NPM1: variants seen among roughly 807,000 people sequenced by gnomAD.
The protein encoded by NPM1 is nucleophosmin.
A neutral mutation model predicts 44.1 loss-of-function variants in NPM1; 1 was observed. That is an observed-to-expected ratio of 0.02 (90% CI 0.01 to 0.11). The LOEUF is 0.11. NPM1 is among the 10% of genes least tolerant of loss of function. The probability of loss-of-function intolerance (pLI) is 1.00; values close to 1 mark genes in which losing one functional copy is unlikely to be tolerated. For synonymous variants in NPM1, 126 were observed against 111.8 expected (o/e 1.13, Z -0.80); for missense variants, 197 against 347.8 (o/e 0.57, Z 3.45).
At chr5:171,391,267 A>G (rs757100374) in intron 2 of NPM1, 38 bp from the exon 3 acceptor site, 1 of 1,601,026 alleles carries the variant, frequency 6.2e-7, no homozygotes, top group East Asian at 2.2e-5. Context: ...AATAGGTGGA[A>G]CTCAAAAGTT....
At chr5:171,405,437 C>T (rs1315950764) in intron 9 of NPM1, 34 bp downstream of exon 9, 1 of 973,218 alleles carries the variant, frequency 1.0e-6, no homozygotes, top group East Asian at 2.5e-5. Flanking sequence ...ACTTTGTCTC[C>T]CCCCTCAAAT....
At chr5:171,394,023 T>G (rs917680909) in intron 6 of NPM1, among the ~76,000 whole-genome samples, 1 of 150,598 alleles carries the variant, frequency 6.6e-6, no homozygotes, top group Non-Finnish European at 1.5e-5. Flanking sequence ...AGTATTTGAC[T>G]GTTGCTGTTT....
chr5:171,394,898 G>A (rs569948243), intron 6 of NPM1, among the ~76,000 whole-genome samples: 2 of 152,236 alleles, frequency 1.3e-5, no homozygotes, highest in South Asian at 4.1e-4. Context: ...ATATAATTAG[G>A]CCAGGCATGG....
intron 6 of NPM1, among the ~76,000 whole-genome samples, chr5:171,398,322 C>CTTTA (rs1191803278): frequency 1.3e-5 from 2 of 152,080 alleles, no homozygotes; most frequent in Non-Finnish European, 2.9e-5. Context: ...GAGTTTTGTC[C>CTTTA]TTTATATTTA....
chr5:171,398,274 C>T (rs1251032922), intron 6 of NPM1, among the ~76,000 whole-genome samples: 1 of 152,134 alleles, frequency 6.6e-6, no homozygotes, highest in African/African-American at 2.4e-5. Flanking sequence ...GAAATCATTG[C>T]TAAATTCAAA....
In NPM1 at chr5:171,400,491, A is replaced by G. The variant is rs529527875; in HGVS notation, c.582+281A>G. Among the ~76,000 whole-genome samples the G allele has an allele frequency of 5.6e-4, 83 of 147,420 alleles. 1 individual carries two copies. The highest frequency in any genetic ancestry group is 4.5e-3 in the Admixed American group (66 of 14,648). ...TTTTTTTTTTTGAGACGGAGTCTCA[A>G]TGTCACCCGGGCTGGAGTACAGTGG... On this transcript the variant is annotated intron_variant, in intron 7 of 10. Coordinates refer to ENST00000296930, the MANE Select transcript of NPM1 (RefSeq NM_002520.7).
rs1426022825 is a variant in NPM1, at chr5:171,403,677, A to G, written c.670-1625A>G. 4.1e-4 allele frequency among the ~76,000 whole-genome samples: 45 copies of G among 110,376 alleles called. No individual in the cohort carries two copies. In the East Asian group the frequency reaches 6.2e-3, roughly 15 times the overall value. 72.4% of individuals were successfully genotyped at this position (110,376 alleles called of 152,430 possible). On this transcript the variant is annotated intron_variant, in intron 8 of 10. Coordinates refer to ENST00000296930, the MANE Select transcript of NPM1 (RefSeq NM_002520.7). ...TCCCTCCCGGACGGGGCGGCTGGCCAGGCGGGGGGCTGACCCCCCCACCTC... is the reference window on the plus strand; with the variant it reads ...TCCCTCCCGGACGGGGCGGCTGGCCGGGCGGGGGGCTGACCCCCCCACCTC...
intron 1 of NPM1, among the ~76,000 whole-genome samples, chr5:171,388,373 C>T (rs1473716073): frequency 6.6e-6 from 1 of 152,174 alleles, no homozygotes; most frequent in East Asian, 1.9e-4. Flanking sequence ...CTTCTGATGC[C>T]AGGCCCCGGG....
rs758162516 is a variant in NPM1, at chr5:171,410,607, T to A, written c.*42T>A. The A allele has an allele frequency of 1.6e-6, 2 of 1,237,522 alleles. No homozygotes were observed. Among genetic ancestry groups the A allele is most frequent in the Non-Finnish European group, 1.1e-6 (1 of 874,550 alleles). 76.7% of individuals were successfully genotyped at this position (1,237,522 alleles called of 1,614,324 possible). On this transcript the variant is annotated 3_prime_UTR_variant, in exon 11 of 11. Coordinates refer to ENST00000296930, the MANE Select transcript of NPM1 (RefSeq NM_002520.7). ...ATTTGTTAAAAAATTTTCCGTCTTA[T>A]TTCATTTCTGTAACAGTTGATATCT...
At chr5:171,399,380 G>A (rs372244935) in intron 6 of NPM1, among the ~76,000 whole-genome samples, 84 of 152,270 alleles carry the variant, frequency 5.5e-4, no homozygotes, top group African/African-American at 2.0e-3. Context: ...CAAATAGCTA[G>A]GACTACAGGC....
At position 171,387,875 on chromosome 5, in the gene NPM1, G is replaced by A. The variant is rs952100867; in HGVS notation, c.-74G>A. On this transcript the variant is annotated 5_prime_UTR_variant, in exon 1 of 11. Coordinates refer to ENST00000296930, the MANE Select transcript of NPM1 (RefSeq NM_002520.7). Reference sequence around the variant, plus strand: ...TTTCCCTGGTGTGATTCCGTCCTGCGCGGTTGTTCTCTGGAGCAGCGTTCT... The same window carrying A: ...TTTCCCTGGTGTGATTCCGTCCTGCACGGTTGTTCTCTGGAGCAGCGTTCT... The A allele has an allele frequency of 1.5e-6, 2 of 1,371,910 alleles. No individual in the cohort carries two copies. Among genetic ancestry groups the A allele is most frequent in the East Asian group, 2.3e-5 (1 of 43,646 alleles). The allele number at this position is 1,371,910 out of a possible 1,614,324, so 85.0% of individuals were successfully genotyped here.
chr5:171,389,805 CAG>C (rs1266865712), intron 1 of NPM1, among the ~76,000 whole-genome samples: 2 of 152,158 alleles, frequency 1.3e-5, no homozygotes, highest in Admixed American at 6.5e-5. Flanking sequence ...TGCAGAATAA[CAG>C]TACCTATCAG....
At chr5:171,405,494 TTTG>T (rs1189042658) in intron 9 of NPM1, 91 bp downstream of exon 9, 47 of 694,464 alleles carry the variant, frequency 6.8e-5, no homozygotes, top group Non-Finnish European at 1.1e-4. Flanking sequence ...TGTTTTTTTG[TTTG>T]TTTTGGTTTA....
chr5:171,405,739 G>A, intron 9 of NPM1: 1 of 256,786 alleles, frequency 3.9e-6, no homozygotes, highest in Non-Finnish European at 7.3e-6. Flanking sequence ...AACCAACAGA[G>A]GGCGTATGAG....
At position 171,405,457 on chromosome 5, in the gene NPM1, C is replaced by T; in HGVS notation, c.771+54C>T. The T allele has an allele frequency of 5.1e-6, 4 of 781,410 alleles. No homozygotes were observed. The South Asian group carries it at 6.2e-5, about 12-fold the overall frequency. The allele number at this position is 781,410 out of a possible 1,614,324, so 48.4% of individuals were successfully genotyped here. On this transcript the variant is annotated intron_variant, in intron 9 of 10. Transcript: ENST00000296930. Reference sequence around the variant, plus strand: ...GTCTCCCCCCTCAAATTGCACGTGTCTGGTTTGCATAGACTTGAATGTTTC... The same window carrying T: ...GTCTCCCCCCTCAAATTGCACGTGTTTGGTTTGCATAGACTTGAATGTTTC...
upstream of NPM1, chr5:171,387,517 AC>A: frequency 6.7e-5 from 14 of 208,532 alleles, no homozygotes; most frequent in South Asian, 5.2e-4. Flanking sequence ...GGCTGCGCAG[AC>A]TCTTGGCGGG....
intron 8 of NPM1, 73 bp downstream of exon 8, chr5:171,400,998 G>T: frequency 9.4e-7 from 1 of 1,065,248 alleles, no homozygotes; most frequent in Middle Eastern, 2.0e-4. Flanking sequence ...GAAGAATCTA[G>T]TGTGTCTGAA....
At chr5:171,404,107 G>A (rs1474964671) in intron 8 of NPM1, among the ~76,000 whole-genome samples, 3 of 73,144 alleles carry the variant, frequency 4.1e-5, no homozygotes, top group Admixed American at 1.2e-4. Flanking sequence ...CCTCCCTCCC[G>A]GACGGCACGG....
intron 6 of NPM1, among the ~76,000 whole-genome samples, chr5:171,393,310 G>A (rs571650190): frequency 3.3e-5 from 5 of 152,156 alleles, no homozygotes; most frequent in Non-Finnish European, 5.9e-5. Context: ...GTTTTATGGT[G>A]AGCAGTTAAT....
Sources: allele counts gnomAD v4.1 joint callset (sites outside exome capture counted in the v4.1 genomes callset), GRCh38; gene constraint gnomAD v4.1.1; transcripts MANE v1.5; gene names NCBI Gene and HGNC (gene_info 2026-07-23, HGNC 2026-07-21).